Variants in SEMA5B observed in about 807,000 individuals in gnomAD.
SEMA5B encodes semaphorin 5B.
In SEMA5B, 66 loss-of-function variants were observed where a neutral mutation model predicts 135.0. The observed-to-expected ratio is 0.49, with a 90% CI of 0.40 to 0.60. The LOEUF is 0.60. Among genes scored for constraint, SEMA5B ranks in the 20% least tolerant of loss-of-function variants. The pLI is 0.00. For synonymous variants in SEMA5B, 690 were observed against 639.5 expected (o/e 1.08, Z -1.19); for missense variants, 1,501 against 1,566.3 (o/e 0.96, Z 0.70).
intron 1 of SEMA5B, among the ~76,000 whole-genome samples, chr3:122,971,789 A>G (rs1435238722): frequency 6.6e-6 from 1 of 152,250 alleles, no homozygotes; most frequent in African/African-American, 2.4e-5. Context: ...ATGGGAAGCC[A>G]TGGTGCAAGC....
At position 123,006,614 on chromosome 3, in the gene SEMA5B, C is replaced by T. The variant is rs563483478; in HGVS notation, c.-39+20850G>A. 4.3e-4 allele frequency among the ~76,000 whole-genome samples: 65 copies of T among 152,288 alleles called. No homozygotes were observed. The Middle Eastern group carries it at 0.031, about 72-fold the overall frequency. On this transcript the variant is annotated intron_variant, in intron 1 of 22. Coordinates refer to ENST00000357599, the MANE Select transcript of SEMA5B (RefSeq NM_001031702.4). Reference sequence around the variant, plus strand: ...AAGCTTGGGGTGGGGCAAACCCTTTCCCTTACTCTGGGCTACTTTGGTTTC... The same window carrying T: ...AAGCTTGGGGTGGGGCAAACCCTTTTCCTTACTCTGGGCTACTTTGGTTTC...
chr3:122,984,031 C>T (rs868182028), intron 1 of SEMA5B, among the ~76,000 whole-genome samples: 5 of 152,332 alleles, frequency 3.3e-5, no homozygotes, highest in Middle Eastern at 6.8e-3. Context: ...ATTGGTCCTA[C>T]GTGCAGAGGA....
chr3:122,922,564 AC>A, intron 10 of SEMA5B, 117 bp from the exon 11 acceptor site: 11 of 892,316 alleles, frequency 1.2e-5, no homozygotes, highest in Non-Finnish European at 1.9e-5. Flanking sequence ...ATTCTCCAGC[AC>A]CCCCCACCCC....
intron 7 of SEMA5B, 89 bp from the exon 8 acceptor site, chr3:122,928,092 C>CAGAGAGACTGGGG: frequency 1.1e-6 from 1 of 951,132 alleles, no homozygotes; most frequent in Non-Finnish European, 1.5e-6. Flanking sequence ...CTCCTGTGCC[C>CAGAGAGACTGGGG]CAGTCTCTCT....
intron 3 of SEMA5B, among the ~76,000 whole-genome samples, chr3:122,947,352 G>A (rs1234362555): frequency 6.6e-6 from 1 of 151,930 alleles, no homozygotes; most frequent in African/African-American, 2.4e-5. Flanking sequence ...TCCCTGAGAG[G>A]AGCCAACCCA....
At chr3:123,006,857 G>A (rs1336005973) in intron 1 of SEMA5B, among the ~76,000 whole-genome samples, 1 of 152,016 alleles carries the variant, frequency 6.6e-6, no homozygotes, top group Non-Finnish European at 1.5e-5. Context: ...CAGAAACACA[G>A]CTGCTTAGAT....
intron 2 of SEMA5B, among the ~76,000 whole-genome samples, chr3:122,952,098 G>A (rs1940075897): frequency 6.6e-6 from 1 of 152,118 alleles, no homozygotes; most frequent in African/African-American, 2.4e-5. Context: ...CTTATCCTCA[G>A]GCTCAAACTC....
intron 1 of SEMA5B, among the ~76,000 whole-genome samples, chr3:122,973,969 C>T (rs1941219229): frequency 1.3e-5 from 2 of 152,190 alleles, no homozygotes; most frequent in Non-Finnish European, 2.9e-5. Context: ...AATTGTGTTC[C>T]AGCTCAGCAG....
chr3:122,973,311 G>A (rs766257836), intron 1 of SEMA5B, among the ~76,000 whole-genome samples: 17 of 152,164 alleles, frequency 1.1e-4, no homozygotes, highest in Admixed American at 3.3e-4. Context: ...CTGAGGAGAG[G>A]CAGCCAATGA....
chr3:122,936,317 A>G (rs903312702), intron 5 of SEMA5B, among the ~76,000 whole-genome samples: 3 of 152,158 alleles, frequency 2.0e-5, no homozygotes, highest in Non-Finnish European at 4.4e-5. Flanking sequence ...GCCAGGGACA[A>G]TGGCTGAATG....
rs76793346 is a variant in SEMA5B, at chr3:122,945,694, A to T, written c.329-2159T>A. 3.6e-3 allele frequency among the ~76,000 whole-genome samples: 542 copies of T among 152,162 alleles called. 22 individuals carry two copies. In the East Asian group the frequency reaches 0.089, roughly 25 times the overall value. On this transcript the variant is annotated intron_variant, in intron 3 of 22. Transcript: ENST00000357599. ...CATTCCAGATGTAGGCAGCTAAATG[A>T]GGGAGGAGGTGGCATGACGGGTCTG...
At position 122,936,531 on chromosome 3, in the gene SEMA5B, C is replaced by T. The variant is rs962757074; in HGVS notation, c.474+2894G>A. On this transcript the variant is annotated intron_variant, in intron 5 of 22. Coordinates refer to ENST00000357599, the MANE Select transcript of SEMA5B (RefSeq NM_001031702.4). ...TGCAGAACAGTCCTCGTTTCTGCCT[C>T]GCAGGATATCTGGCAAACCAAGATC... Among the ~76,000 whole-genome samples, 3 of 152,158 alleles carry T rather than the reference C, an allele frequency of 2.0e-5. No homozygotes were observed. In the East Asian group the frequency reaches 5.8e-4, roughly 29 times the overall value.
intron 2 of SEMA5B, among the ~76,000 whole-genome samples, chr3:122,959,858 T>C (rs369725528): frequency 1.1e-4 from 16 of 152,204 alleles, no homozygotes; most frequent in African/African-American, 3.9e-4. Flanking sequence ...TAGGATTTTG[T>C]TTCTTATTTA....
rs1465826898 is a variant in SEMA5B at position 122,927,965 on chromosome 3, A to C, written c.675T>G (p.Gly225=). The change falls in exon 8 of 23, where the codon GGT becomes GGG. Residue 225 remains glycine (G), a synonymous_variant. Coordinates refer to ENST00000357599, the MANE Select transcript of SEMA5B (RefSeq NM_001031702.4). The stretch of plus-strand genomic sequence containing the variant: ...GTGGGTCATAGGGGCAGCGGGCCAC[A>C]CCATTGATCTTCTCAATAGTCCGGC... ...NLSRTIEKIN[G]VARCPYDPRH... 2 of 1,539,866 alleles carry C rather than the reference A, an allele frequency of 1.3e-6. No individual in the cohort carries two copies. The highest frequency in any genetic ancestry group is 1.8e-6 in the Non-Finnish European group (2 of 1,141,064).
chr3:122,910,862 T>A lies in SEMA5B; in HGVS notation c.3275A>T (p.Lys1092Met), dbSNP rs755767789. ...YKGGGTPKNEKYTPMEFKTLN... is the reference protein window; with the variant it reads ...YKGGGTPKNEMYTPMEFKTLN... ...CACCTTGAATTCCATGGGTGTGTAC[T>A]TTTCATTCTTCGGGGTGCCTCCGCC... is the stretch of plus-strand genomic sequence containing the variant. Residue 1092 changes from lysine (K) to methionine (M), a missense_variant, in exon 22 of 23, where the codon AAG becomes ATG. Physicochemically the swap from Lys to Met is moderately conservative, Grantham distance 95. Transcript: ENST00000357599. 3.7e-6 allele frequency: 6 copies of A among 1,611,542 alleles called. No homozygotes were observed. In the East Asian group the frequency reaches 1.3e-4, roughly 36 times the overall value.
At chr3:122,918,404 G>A (rs1322829183) in intron 12 of SEMA5B, among the ~76,000 whole-genome samples, 1 of 152,158 alleles carries the variant, frequency 6.6e-6, no homozygotes, top group Non-Finnish European at 1.5e-5. Flanking sequence ...CTATACTTTG[G>A]CTTTTTGGAC....
At chr3:122,927,741 G>A in intron 8 of SEMA5B, 49 bp downstream of exon 8, 1 of 1,319,646 alleles carries the variant, frequency 7.6e-7, no homozygotes, top group Non-Finnish European at 1.0e-6. Context: ...GTGGGCTGGT[G>A]GGCTCAAAAC....
chr3:122,978,857 T>G (rs1048860695), intron 1 of SEMA5B, among the ~76,000 whole-genome samples: 7 of 152,098 alleles, frequency 4.6e-5, no homozygotes, highest in African/African-American at 1.7e-4. Context: ...CCAGGCCCCT[T>G]TTACACCTGT....
intron 12 of SEMA5B, among the ~76,000 whole-genome samples, chr3:122,920,909 T>C (rs1025813580): frequency 1.3e-5 from 2 of 152,210 alleles, no homozygotes; most frequent in Non-Finnish European, 2.9e-5. Flanking sequence ...GTCCTGAACA[T>C]GGTATGTCTT....
Sources: gnomAD v4.1 joint callset for allele counts (sites outside exome capture counted in the v4.1 genomes callset) on GRCh38, gnomAD v4.1.1 for gene constraint, MANE v1.5 for transcripts, NCBI Gene and HGNC (gene_info 2026-07-23, HGNC 2026-07-21) for gene names.